XPO4: variants seen among roughly 807,000 people sequenced by gnomAD.
XPO4 encodes the protein exportin 4.
A neutral mutation model predicts 143.0 loss-of-function variants in XPO4; 39 were observed. The ratio of observed to expected loss-of-function variants is 0.27; its 90% CI spans 0.21 to 0.36. The LOEUF (loss-of-function observed/expected upper bound fraction) is 0.36. Among genes scored for constraint, XPO4 ranks in the 10% least tolerant of loss-of-function variants. The pLI, the probability that XPO4 is intolerant of heterozygous loss-of-function variation, is 1.00. For missense variants in XPO4, 907 were observed against 1,348.0 expected, an observed-to-expected ratio of 0.67 and a Z score of 5.12; for synonymous variants, 439 against 474.0, an observed-to-expected ratio of 0.93 and a Z score of 0.96.
At chr13:20,878,411 A>G (rs903527770) in intron 1 of XPO4, among the ~76,000 whole-genome samples, 1 of 151,200 alleles carries the variant, frequency 6.6e-6, no homozygotes, top group Non-Finnish European at 1.5e-5. Flanking sequence ...ACATTATAAT[A>G]GAAAAAAAAA....
At chr13:20,873,158 C>T (rs912111562) in intron 1 of XPO4, among the ~76,000 whole-genome samples, 3 of 150,914 alleles carry the variant, frequency 2.0e-5, no homozygotes, top group Non-Finnish European at 4.4e-5. Context: ...AGAGTTGGAG[C>T]TCACAAATTC....
At chr13:20,786,879 G>T in intron 22 of XPO4, 86 bp downstream of exon 22, 2 of 1,057,312 alleles carry the variant, frequency 1.9e-6, no homozygotes, top group Non-Finnish European at 2.7e-6. Context: ...TCCTATAAGG[G>T]GGGATTAATG....
chr13:20,838,329 G>A (rs2059938756), intron 6 of XPO4, among the ~76,000 whole-genome samples: 1 of 151,920 alleles, frequency 6.6e-6, no homozygotes, highest in African/African-American at 2.4e-5. Context: ...ACATTTTGGG[G>A]CTGGGCGCAG....
Position 20,866,403 on chromosome 13 carries a change from T to A in XPO4, c.175+2193A>T, listed in dbSNP as rs377683405. On this transcript the variant is annotated intron_variant, in intron 2 of 22. Coordinates refer to ENST00000255305, the MANE Select transcript of XPO4 (RefSeq NM_022459.5). ...CAGAAAAGGGAAGCATCAAAGAAAG[T>A]CTCCCCTTTAGTAGAATATATTACC... The A allele has an allele frequency of 2.4e-5, 24 of 981,972 alleles. 1 individual carries two copies. The highest frequency in any genetic ancestry group is 1.9e-4 in the African/African-American group (11 of 57,272). 60.8% of individuals were successfully genotyped at this position (981,972 alleles called of 1,614,324 possible).
At chr13:20,814,859 A>AC (rs752813026) in intron 9 of XPO4, among the ~76,000 whole-genome samples, 5 of 152,264 alleles carry the variant, frequency 3.3e-5, no homozygotes, top group Non-Finnish European at 7.3e-5. Flanking sequence ...GCCCATAATT[A>AC]CCTTGGAAGT....
intron 10 of XPO4, 121 bp from the exon 11 acceptor site, chr13:20,809,346 A>G (rs1265919771): frequency 4.7e-6 from 6 of 1,267,222 alleles, no homozygotes; most frequent in African/African-American, 1.5e-5. Flanking sequence ...GAGGGGACAC[A>G]GCCGACCTTT....
chr13:20,789,496 G>A (rs1284848752), intron 19 of XPO4, among the ~76,000 whole-genome samples: 3 of 150,070 alleles, frequency 2.0e-5, no homozygotes, highest in African/African-American at 7.4e-5. Context: ...CCGGGTTCAC[G>A]CCATTCTCCT....
chr13:20,792,326 C>CT (rs1215819607), intron 18 of XPO4, among the ~76,000 whole-genome samples: 1 of 151,930 alleles, frequency 6.6e-6, no homozygotes, highest in Non-Finnish European at 1.5e-5. Flanking sequence ...GGCACGGTGG[C>CT]TCACTCCTGT....
intron 4 of XPO4, among the ~76,000 whole-genome samples, chr13:20,845,015 AC>A (rs1457332098): frequency 6.6e-6 from 1 of 152,218 alleles, no homozygotes; most frequent in Non-Finnish European, 1.5e-5. Flanking sequence ...TACTAAAAAT[AC>A]AAAAAAATCA....
intron 6 of XPO4, among the ~76,000 whole-genome samples, chr13:20,838,824 A>G (rs572527161): frequency 1.6e-4 from 25 of 152,268 alleles, no homozygotes; most frequent in Admixed American, 6.5e-4. Context: ...ATAATCAAAA[A>G]GTGGAAACAA....
chr13:20,779,269 A>G lies in XPO4; in HGVS notation c.*4453T>C, dbSNP rs2141453846. 1 of 152,786 alleles carries G rather than the reference A, an allele frequency of 6.5e-6. No individual in the cohort carries two copies. Among genetic ancestry groups the G allele is most frequent in the South Asian group, 2.1e-4 (1 of 4,834 alleles). The allele number at this position is 152,786 out of a possible 1,614,324, so 9.5% of individuals were successfully genotyped here. On this transcript the variant is annotated 3_prime_UTR_variant, in exon 23 of 23. Coordinates refer to ENST00000255305, the MANE Select transcript of XPO4 (RefSeq NM_022459.5). ...TCTTTGTACAGATAATCAAATCACA[A>G]TACCAACATTTGCAATTTGTAATAA...
rs2059107624 is a variant in XPO4 at position 20,778,657 on chromosome 13, T to C, written c.*5065A>G. The C allele has an allele frequency of 6.6e-6, 1 of 152,242 alleles. No homozygotes were observed. The highest frequency in any genetic ancestry group is 2.4e-5 in the African/African-American group (1 of 41,478). 9.4% of individuals were successfully genotyped at this position (152,242 alleles called of 1,614,324 possible). The stretch of plus-strand genomic sequence containing the variant: ...TTTATATTTCTAATACTGGATATTC[T>C]GTGAGTACCACGGGTTCTCCCAGAA... On this transcript the variant is annotated 3_prime_UTR_variant, in exon 23 of 23. Transcript: ENST00000255305.
chr13:20,840,170 ATT>A (rs904711356), intron 6 of XPO4, among the ~76,000 whole-genome samples: 1 of 152,014 alleles, frequency 6.6e-6, no homozygotes, highest in Non-Finnish European at 1.5e-5. Context: ...ATGATTTATT[ATT>A]TGTCTATCCT....
rs1244033289 is a variant in XPO4 at position 20,843,922 on chromosome 13, T to G, written c.457-36A>C. 3 of 1,493,116 alleles carry G rather than the reference T, an allele frequency of 2.0e-6. No homozygotes were observed. In the African/African-American group the frequency reaches 4.1e-5, roughly 21 times the overall value. 92.5% of individuals were successfully genotyped at this position (1,493,116 alleles called of 1,614,324 possible). A position where few individuals can be genotyped will look rare whatever the true frequency, so the allele number is the denominator to read the frequency against. On this transcript the variant is annotated intron_variant, in intron 4 of 22. Transcript: ENST00000255305. ...TTGATAAGAAATAATTGTGAGGCATTACTGTTTCAACGCTTTGTTTCAATG... is the reference window on the plus strand; with the variant it reads ...TTGATAAGAAATAATTGTGAGGCATGACTGTTTCAACGCTTTGTTTCAATG...
chr13:20,878,015 G>A (rs2060369218), intron 1 of XPO4, among the ~76,000 whole-genome samples: 1 of 152,276 alleles, frequency 6.6e-6, no homozygotes, highest in Non-Finnish European at 1.5e-5. Context: ...TGGGTAACAT[G>A]GCAAATCTCT....
At chr13:20,878,344 C>T (rs570727521) in intron 1 of XPO4, among the ~76,000 whole-genome samples, 1 of 152,180 alleles carries the variant, frequency 6.6e-6, no homozygotes, top group African/African-American at 2.4e-5. Context: ...CATTTATTCC[C>T]CAGAGAACTT....
At position 20,783,820 on chromosome 13, in the gene XPO4, T is replaced by C; in HGVS notation, c.3358A>G (p.Ser1120Gly). Reference protein sequence around the residue: ...ADAFNKLTASSTPPTLDRKQK... With the variant: ...ADAFNKLTASGTPPTLDRKQK... ...TTCCGATCCAGCGTAGGAGGAGTGC[T>C]GCTTGCAGTGAGCTTGTTGAAGGCA... Residue 1120 changes from serine (S) to glycine (G), a missense_variant, in exon 23 of 23, where the codon AGC becomes GGC. Transcript: ENST00000255305. 6.2e-7 allele frequency: 1 copy of C among 1,614,256 alleles called. No homozygotes were observed. The highest frequency in any genetic ancestry group is 8.5e-7 in the Non-Finnish European group (1 of 1,180,032).
intron 1 of XPO4, among the ~76,000 whole-genome samples, chr13:20,876,141 A>G (rs1278769955): frequency 2.0e-5 from 3 of 151,458 alleles, no homozygotes; most frequent in African/African-American, 7.3e-5. Context: ...ACATGCCTGT[A>G]AACCCAGCTA....
intron 4 of XPO4, chr13:20,849,218 A>G (rs1401613938): frequency 3.0e-6 from 3 of 985,340 alleles, no homozygotes; most frequent in Non-Finnish European, 3.6e-6. Flanking sequence ...GTTGCCATAC[A>G]TAAAGCAGAC....
Sources: gnomAD v4.1 joint callset for allele counts (sites outside exome capture counted in the v4.1 genomes callset) on GRCh38, gnomAD v4.1.1 for gene constraint, MANE v1.5 for transcripts, NCBI Gene and HGNC (gene_info 2026-07-23, HGNC 2026-07-21) for gene names.